SCARB1: variants seen among roughly 807,000 people sequenced by gnomAD.
SCARB1 encodes CD36 and LIMPII analogous 1.
Under a neutral mutation model 57.2 loss-of-function variants are expected in SCARB1, and 30 were observed. The ratio of observed to expected loss-of-function variants is 0.52; its 90% confidence interval spans 0.39 to 0.71. The LOEUF is 0.71. Ranked by LOEUF, SCARB1 falls within the 30% of genes least tolerant of loss-of-function variation. The pLI is 0.00. For missense variants in SCARB1, 543 were observed against 671.2 expected, an observed-to-expected ratio of 0.81 and a Z score of 2.11; for synonymous variants, 249 against 268.3, an observed-to-expected ratio of 0.93 and a Z score of 0.70.
intron 1 of SCARB1, among the ~76,000 whole-genome samples, chr12:124,838,705 T>C (rs576928917): frequency 6.6e-6 from 1 of 151,002 alleles, no homozygotes; most frequent in East Asian, 2.0e-4. Flanking sequence ...GTACCATTTC[T>C]CCCTTCAGGT....
chr12:124,825,766 A>C (rs947238117), intron 1 of SCARB1, among the ~76,000 whole-genome samples: 1 of 152,244 alleles, frequency 6.6e-6, no homozygotes, highest in Non-Finnish European at 1.5e-5. Context: ...ATCGACTTGC[A>C]GATATCTCAA....
rs977350207 is a variant in SCARB1, at chr12:124,789,070, G to A, written c.1203-1613C>T. ...TTACCTGTGAAGTTAAAACTTACACGTCAAGTTAAAAAGATAATAAAATCC... is the reference window on the plus strand; with the variant it reads ...TTACCTGTGAAGTTAAAACTTACACATCAAGTTAAAAAGATAATAAAATCC... On this transcript the variant is annotated intron_variant, in intron 9 of 12. Transcript: ENST00000261693. This position sits in a 1 kb window ranked among gnomAD's most constrained non-coding sequence, Gnocchi z 4.4. Among the ~76,000 whole-genome samples the A allele has an allele frequency of 2.6e-5, 4 of 152,056 alleles. No homozygotes were observed. Among genetic ancestry groups the A allele is most frequent in the Admixed American group, 2.0e-4 (3 of 15,254 alleles).
chr12:124,829,410 A>G (rs1357704341), intron 1 of SCARB1, among the ~76,000 whole-genome samples: 1 of 152,158 alleles, frequency 6.6e-6, no homozygotes, highest in South Asian at 2.1e-4. Context: ...AAGTCAGAGC[A>G]TGTCATTCTG....
At chr12:124,828,312 C>T (rs1325680844) in intron 1 of SCARB1, among the ~76,000 whole-genome samples, 2 of 152,034 alleles carry the variant, frequency 1.3e-5, no homozygotes, top group Non-Finnish European at 2.9e-5. Context: ...CCCGCTCGCC[C>T]AGGTGCCACC....
At position 124,789,465 on chromosome 12, in the gene SCARB1, G is replaced by A. The variant is rs915241300; in HGVS notation, c.1203-2008C>T. ...GTGACCTGCCACGACGAAGGGGACC[G>A]TGCAGACATGACTGCATCAAGGCTC... On this transcript the variant is annotated intron_variant, in intron 9 of 12. Transcript: ENST00000261693. This position sits in a 1 kb window ranked among gnomAD's most constrained non-coding sequence, Gnocchi z 4.4. Among the ~76,000 whole-genome samples, 1 of 152,138 alleles carries A rather than the reference G, an allele frequency of 6.6e-6. No individual in the cohort carries two copies. The highest frequency in any genetic ancestry group is 1.5e-5 in the Non-Finnish European group (1 of 68,026).
intron 8 of SCARB1, among the ~76,000 whole-genome samples, chr12:124,797,666 CG>C (rs1949988647): frequency 6.6e-6 from 1 of 152,084 alleles, no homozygotes. Context: ...TCACTGAGAG[CG>C]CACAGGAGAC....
At chr12:124,835,159 G>A (rs1414462270) in intron 1 of SCARB1, among the ~76,000 whole-genome samples, 1 of 152,168 alleles carries the variant, frequency 6.6e-6, no homozygotes, top group Admixed American at 6.5e-5. Context: ...TGTGGAAAAG[G>A]GGAAAGTGTA....
chr12:124,844,805 C>T lies in SCARB1; in HGVS notation c.126+18790G>A, dbSNP rs1169760629. Among the ~76,000 whole-genome samples the T allele has an allele frequency of 3.5e-5, 5 of 143,788 alleles. No individual in the cohort carries two copies. In the South Asian group the frequency reaches 8.7e-4, roughly 25 times the overall value. 94.3% of individuals were successfully genotyped at this position (143,788 alleles called of 152,430 possible). ...ATGCACCTGTTATGGACATTTTTTT[C>T]TTTCTTTCTTTCTTTTTTTTTTTTT... On this transcript the variant is annotated intron_variant, in intron 1 of 12. Transcript: ENST00000261693.
Position 124,822,183 on chromosome 12 carries a change from G to T in SCARB1, c.127-4476C>A, listed in dbSNP as rs745783413. Among the ~76,000 whole-genome samples the T allele has an allele frequency of 1.3e-5, 2 of 152,190 alleles. No individual in the cohort carries two copies. The highest frequency in any genetic ancestry group is 3.8e-4 in the East Asian group (2 of 5,202). On this transcript the variant is annotated intron_variant, in intron 1 of 12. Coordinates refer to ENST00000261693, the MANE Select transcript of SCARB1 (RefSeq NM_005505.5). The surrounding 1 kb of genome is among the most constrained non-coding windows in gnomAD (Gnocchi z 5.0). ...GGCAGAGGACACAGCCTGTGCAAAG[G>T]CTGGGAAGCCTTTAAGAGCGTGACT...
At position 124,851,608 on chromosome 12, in the gene SCARB1, A is replaced by ATTT. The variant is rs5801574; in HGVS notation, c.126+11984_126+11986dup. Among the ~76,000 whole-genome samples the ATTT allele has an allele frequency of 4.1e-3, 527 of 128,076 alleles. 9 individuals carry two copies. The highest frequency in any genetic ancestry group is 5.5e-3 in the Non-Finnish European group (332 of 60,372). The allele number at this position is 128,076 out of a possible 152,430, so 84.0% of individuals were successfully genotyped here. A position where few individuals can be genotyped will look rare whatever the true frequency, so the allele number is the denominator to read the frequency against. ...AACAAAGTGAAACATAAAGGATTCC[A>ATTT]TTTTTTTTTTTTTTTTTTTGAGATG... is the stretch of plus-strand genomic sequence containing the variant. On this transcript the variant is annotated intron_variant, in intron 1 of 12. Transcript: ENST00000261693.
chr12:124,814,112 C>G lies in SCARB1; in HGVS notation c.630+90G>C, dbSNP rs1345897272. On this transcript the variant is annotated intron_variant, in intron 4 of 12. Coordinates refer to ENST00000261693, the MANE Select transcript of SCARB1 (RefSeq NM_005505.5). This position sits in a 1 kb window ranked among gnomAD's most constrained non-coding sequence, Gnocchi z 4.7. ...CAGCCACTAGATCCCCAGCCAGCTA[C>G]AAAGCAAGCTGGTGACCAGTGTCCA... 21 of 1,257,958 alleles carry G rather than the reference C, an allele frequency of 1.7e-5. No homozygotes were observed. In the East Asian group the frequency reaches 4.9e-4, roughly 29 times the overall value. 77.9% of individuals were successfully genotyped at this position (1,257,958 alleles called of 1,614,324 possible). A position where few individuals can be genotyped will look rare whatever the true frequency, so the allele number is the denominator to read the frequency against.
chr12:124,799,766 G>A (rs1950070196), intron 8 of SCARB1, among the ~76,000 whole-genome samples: 1 of 152,130 alleles, frequency 6.6e-6, no homozygotes, highest in African/African-American at 2.4e-5. Context: ...TTCCCTGTGT[G>A]ATTTATCTGC....
chr12:124,852,575 C>T (rs1268312393), intron 1 of SCARB1, among the ~76,000 whole-genome samples: 2 of 152,234 alleles, frequency 1.3e-5, no homozygotes, highest in Non-Finnish European at 2.9e-5. Flanking sequence ...CTGCCTTAGC[C>T]CAAGGTCCTA....
At chr12:124,830,312 C>T (rs959531008) in intron 1 of SCARB1, among the ~76,000 whole-genome samples, 1 of 152,156 alleles carries the variant, frequency 6.6e-6, no homozygotes, top group African/African-American at 2.4e-5. Flanking sequence ...GTTCACCCTA[C>T]AATATAGCAA....
At chr12:124,852,276 C>T (rs1952441146) in intron 1 of SCARB1, among the ~76,000 whole-genome samples, 1 of 152,224 alleles carries the variant, frequency 6.6e-6, no homozygotes, top group South Asian at 2.1e-4. Flanking sequence ...GGGAAACAGC[C>T]CAGCACTGGA....
At chr12:124,785,790 C>A in intron 11 of SCARB1, 1 of 440,822 alleles carries the variant, frequency 2.3e-6, no homozygotes, top group South Asian at 4.1e-5. Context: ...ATTAATTCCA[C>A]CTGTTTCCTT....
chr12:124,843,230 C>T (rs1056940631), intron 1 of SCARB1, among the ~76,000 whole-genome samples: 4 of 151,192 alleles, frequency 2.6e-5, no homozygotes, highest in South Asian at 2.1e-4. Context: ...CGTGACCATC[C>T]GCAGCTGCTC....
At chr12:124,781,101 G>A (rs1873377753) in intron 12 of SCARB1, among the ~76,000 whole-genome samples, 1 of 152,164 alleles carries the variant, frequency 6.6e-6, no homozygotes, top group East Asian at 1.9e-4. Flanking sequence ...CCCCAACATG[G>A]TCAGACTCCA....
At position 124,822,377 on chromosome 12, in the gene SCARB1, G is replaced by C. The variant is rs1437643385; in HGVS notation, c.127-4670C>G. 2.0e-5 allele frequency among the ~76,000 whole-genome samples: 3 copies of C among 152,140 alleles called. No individual in the cohort carries two copies. The highest frequency in any genetic ancestry group is 4.4e-5 in the Non-Finnish European group (3 of 68,022). On this transcript the variant is annotated intron_variant, in intron 1 of 12. Coordinates refer to ENST00000261693, the MANE Select transcript of SCARB1 (RefSeq NM_005505.5). The surrounding 1 kb of genome is among the most constrained non-coding windows in gnomAD (Gnocchi z 5.0). The stretch of plus-strand genomic sequence containing the variant: ...CATGGATGAACACCACAACACAGGT[G>C]AGCCTCAGAAGCACTACCCCAAGCA...
Sources: allele counts gnomAD v4.1 joint callset (sites outside exome capture counted in the v4.1 genomes callset), GRCh38; gene constraint gnomAD v4.1.1; non-coding constraint Gnocchi (gnomAD v3.1); transcripts MANE v1.5; gene names NCBI Gene and HGNC (gene_info 2026-07-23, HGNC 2026-07-21).